The following ZNHIT6 variants were observed in gnomAD, a reference collection of about 807,000 sequenced individuals.
ZNHIT6 encodes the protein box C/D snoRNA protein 1.
ZNHIT6 carries 45 observed loss-of-function variants against 57.2 expected under a neutral mutation model. The observed-to-expected ratio is 0.79, with a 90% CI of 0.62 to 1.01. The LOEUF is 1.01. Ranked by LOEUF, ZNHIT6 falls within the 50% of genes least tolerant of loss-of-function variation. The pLI is 0.00. For synonymous variants in ZNHIT6, 188 were observed against 190.0 expected, an observed-to-expected ratio of 0.99 and a Z score of 0.09; for missense variants, 528 against 567.3, an observed-to-expected ratio of 0.93 and a Z score of 0.70.
chr1:85,676,182 C>A (rs1486831102), intron 8 of ZNHIT6, among the ~76,000 whole-genome samples: 5 of 151,658 alleles, frequency 3.3e-5, no homozygotes, highest in African/African-American at 1.2e-4. Context: ...ACTAAAAATA[C>A]AAAATTAGCC....
chr1:85,705,091 A>G (rs766485345), intron 4 of ZNHIT6, among the ~76,000 whole-genome samples: 2 of 152,180 alleles, frequency 1.3e-5, no homozygotes, highest in African/African-American at 2.4e-5. Context: ...CCTGCTTCCA[A>G]TCTTCCATTC....
At chr1:85,707,373 G>A (rs1662713969) in intron 1 of ZNHIT6, among the ~76,000 whole-genome samples, 2 of 152,250 alleles carry the variant, frequency 1.3e-5, no homozygotes, top group East Asian at 1.9e-4. Flanking sequence ...TTGGTCCCCA[G>A]AATTTCCACT....
intron 5 of ZNHIT6, among the ~76,000 whole-genome samples, chr1:85,686,891 C>G (rs904460935): frequency 4.6e-5 from 7 of 152,070 alleles, no homozygotes; most frequent in African/African-American, 1.7e-4. Context: ...CAGCAAGAGA[C>G]AATCTCTCTG....
At chr1:85,695,650 A>G (rs1235444339) in intron 5 of ZNHIT6, among the ~76,000 whole-genome samples, 1 of 152,222 alleles carries the variant, frequency 6.6e-6, no homozygotes, top group Admixed American at 6.5e-5. Context: ...GCCCTTAAAG[A>G]AAGTTCAGCA....
chr1:85,695,533 T>G (rs986171893), intron 5 of ZNHIT6, among the ~76,000 whole-genome samples: 1 of 152,172 alleles, frequency 6.6e-6, no homozygotes, highest in South Asian at 2.1e-4. Context: ...CTATATTTTG[T>G]TCAGCTTCAG....
intron 5 of ZNHIT6, among the ~76,000 whole-genome samples, chr1:85,689,672 C>A (rs1409953639): frequency 6.6e-6 from 1 of 152,078 alleles, no homozygotes; most frequent in Admixed American, 6.5e-5. Flanking sequence ...CTTTTTACTT[C>A]CAAAAATTGA....
intron 1 of ZNHIT6, among the ~76,000 whole-genome samples, chr1:85,707,022 C>T (rs1457540027): frequency 6.6e-6 from 1 of 152,128 alleles, no homozygotes; most frequent in African/African-American, 2.4e-5. Flanking sequence ...ATCATCTGTC[C>T]TCAACTGCTC....
chr1:85,705,347 T>G (rs1662655085), intron 4 of ZNHIT6, among the ~76,000 whole-genome samples: 1 of 152,136 alleles, frequency 6.6e-6, no homozygotes, highest in Admixed American at 6.6e-5. Flanking sequence ...CTCAAGTTGC[T>G]GGGAGTACAG....
At chr1:85,692,333 G>A (rs1662244120) in intron 5 of ZNHIT6, among the ~76,000 whole-genome samples, 1 of 152,180 alleles carries the variant, frequency 6.6e-6, no homozygotes, top group South Asian at 2.1e-4. Flanking sequence ...AATTATTGCT[G>A]TGGAAAGTTA....
chr1:85,694,015 A>C (rs1662290114), intron 5 of ZNHIT6, among the ~76,000 whole-genome samples: 1 of 152,166 alleles, frequency 6.6e-6, no homozygotes, highest in Non-Finnish European at 1.5e-5. Context: ...CTGTCTGACT[A>C]TATATGAAAT....
Position 85,678,701 on chromosome 1 carries a change from C to G in ZNHIT6, c.1169G>C (p.Arg390Thr). Reference protein sequence around the residue: ...PEKSDPVIRQRLKAYIRSQTG... With the variant: ...PEKSDPVIRQTLKAYIRSQTG... ...AAGTTACAATATTTTTGAAGCATAC[C>G]TTTGACGAATTACAGGATCAGACTT... The change falls in exon 7 of 10, where the codon AGG (arginine) becomes ACG (threonine). Residue 390 changes from arginine (R) to threonine (T), a missense_variant and splice_region_variant. Transcript: ENST00000370574. The G allele has an allele frequency of 6.4e-7, 1 of 1,566,764 alleles. No individual in the cohort carries two copies. The highest frequency in any genetic ancestry group is 1.2e-5 in the South Asian group (1 of 84,332).
At chr1:85,692,936 A>G (rs978039681) in intron 5 of ZNHIT6, among the ~76,000 whole-genome samples, 1 of 152,208 alleles carries the variant, frequency 6.6e-6, no homozygotes, top group African/African-American at 2.4e-5. Flanking sequence ...TTGCTTCTAA[A>G]ACAGATTGAA....
At chr1:85,672,588 C>G (rs1362990055) in intron 8 of ZNHIT6, among the ~76,000 whole-genome samples, 1 of 152,060 alleles carries the variant, frequency 6.6e-6, no homozygotes, top group Non-Finnish European at 1.5e-5. Context: ...ATGAGGATAC[C>G]TGCTACCTTC....
chr1:85,706,261 T>G lies in ZNHIT6; in HGVS notation c.817A>C (p.Asn273His). Residue 273 changes from asparagine to histidine, a missense_variant, in exon 3 of 10, where the codon AAT becomes CAT. Coordinates refer to ENST00000370574, the MANE Select transcript of ZNHIT6 (RefSeq NM_017953.4). ...TAAAGTGGCTTACCACTTAGGAGATTCATTTCAGTAAACTGTTGTATTGAA... is the reference window on the plus strand; with the variant it reads ...TAAAGTGGCTTACCACTTAGGAGATGCATTTCAGTAAACTGTTGTATTGAA... ...YISIQQFTEM[N>H]LLSDYRFLED... is the part of the protein sequence containing the mutation. 6.2e-7 allele frequency: 1 copy of G among 1,611,300 alleles called. No individual in the cohort carries two copies. The highest frequency in any genetic ancestry group is 8.5e-7 in the Non-Finnish European group (1 of 1,178,232).
At chr1:85,705,091 A>C (rs766485345) in intron 4 of ZNHIT6, among the ~76,000 whole-genome samples, 1 of 152,180 alleles carries the variant, frequency 6.6e-6, no homozygotes, top group Non-Finnish European at 1.5e-5. Context: ...CCTGCTTCCA[A>C]TCTTCCATTC....
intron 8 of ZNHIT6, among the ~76,000 whole-genome samples, chr1:85,676,679 G>A (rs1335196829): frequency 6.6e-6 from 1 of 152,012 alleles, no homozygotes; most frequent in Non-Finnish European, 1.5e-5. Flanking sequence ...GTGGTTGGTA[G>A]AGCAGTCAGA....
chr1:85,687,072 C>CA (rs1163013464), intron 5 of ZNHIT6, among the ~76,000 whole-genome samples: 5 of 151,300 alleles, frequency 3.3e-5, no homozygotes, highest in Non-Finnish European at 7.4e-5. Flanking sequence ...GAGTTCGAGA[C>CA]AAGCCTGGAC....
intron 5 of ZNHIT6, among the ~76,000 whole-genome samples, chr1:85,686,000 C>T (rs1355818858): frequency 2.0e-5 from 3 of 149,172 alleles, no homozygotes; most frequent in Non-Finnish European, 3.0e-5. Flanking sequence ...CTCGCTCTGT[C>T]GCCCAGGCTG....
At chr1:85,690,600 T>C (rs1662188792) in intron 5 of ZNHIT6, among the ~76,000 whole-genome samples, 6 of 152,148 alleles carry the variant, frequency 3.9e-5, no homozygotes, top group Admixed American at 3.9e-4. Context: ...CTATACTATG[T>C]TTTAAGAGTT....
Sources: allele counts gnomAD v4.1 joint callset (sites outside exome capture counted in the v4.1 genomes callset), GRCh38; gene constraint gnomAD v4.1.1; transcripts MANE v1.5; gene names NCBI Gene and HGNC (gene_info 2026-07-23, HGNC 2026-07-21).